The following JARID2 variants were observed in gnomAD, a reference collection of about 807,000 sequenced individuals.
JARID2 encodes jumonji and AT-rich interaction domain containing 2, also known as protein Jumonji.
A neutral mutation model predicts 125.6 loss-of-function variants in JARID2; 21 were observed. That is an observed-to-expected ratio of 0.17 (90% CI 0.12 to 0.24). The LOEUF (loss-of-function observed/expected upper bound fraction) is 0.24, where lower values mean the gene tolerates loss of function less well. Ranked by LOEUF, JARID2 falls within the 10% of genes least tolerant of loss-of-function variation. The pLI, the probability that JARID2 is intolerant of heterozygous loss-of-function variation, is 1.00. For synonymous variants in JARID2, 736 were observed against 661.6 expected, an observed-to-expected ratio of 1.11 and a Z score of -1.73; for missense variants, 1,303 against 1,639.6, an observed-to-expected ratio of 0.79 and a Z score of 3.55.
chr6:15,358,309 T>G (rs929789443), intron 1 of JARID2, among the ~76,000 whole-genome samples: 1 of 152,220 alleles, frequency 6.6e-6, no homozygotes, highest in Non-Finnish European at 1.5e-5. Flanking sequence ...TAATTAGTGA[T>G]TAGTTTCTGG....
intron 16 of JARID2, 85 bp downstream of exon 16, chr6:15,513,507 C>G: frequency 1.5e-6 from 2 of 1,332,408 alleles, no homozygotes; most frequent in Non-Finnish European, 1.0e-6. Context: ...AGGGAGGGCG[C>G]TCTCTGCCCA....
intron 1 of JARID2, among the ~76,000 whole-genome samples, chr6:15,280,517 G>C (rs1359088704): frequency 1.3e-5 from 2 of 151,984 alleles, no homozygotes; most frequent in African/African-American, 4.8e-5. Context: ...ATTGTTGGTA[G>C]TAATCTTAAA....
intron 3 of JARID2, among the ~76,000 whole-genome samples, chr6:15,435,315 C>G (rs1243288131): frequency 2.6e-5 from 4 of 152,190 alleles, no homozygotes; most frequent in Non-Finnish European, 5.9e-5. Context: ...AAACTAAATT[C>G]AGGGCTTGAG....
At chr6:15,260,233 A>G (rs1282914066) in intron 1 of JARID2, among the ~76,000 whole-genome samples, 2 of 152,064 alleles carry the variant, frequency 1.3e-5, no homozygotes, top group African/African-American at 4.8e-5. Context: ...GAGGGTCTGG[A>G]TTTAATAGTG....
intron 1 of JARID2, chr6:15,369,321 AT>A: frequency 2.1e-6 from 1 of 474,012 alleles, no homozygotes; most frequent in South Asian, 1.5e-5. Context: ...TGTAAAAAAA[AT>A]TATGACCATA....
chr6:15,485,527 TTACA>T (rs10611488), intron 5 of JARID2, among the ~76,000 whole-genome samples: 4,906 of 152,294 alleles, frequency 0.032, 263 homozygotes, highest in African/African-American at 0.11. Flanking sequence ...GTTGCTTATC[TTACA>T]TATTCTTAGC....
chr6:15,286,347 G>A (rs890951914), intron 1 of JARID2, among the ~76,000 whole-genome samples: 3 of 151,168 alleles, frequency 2.0e-5, no homozygotes, highest in Non-Finnish European at 2.9e-5. Flanking sequence ...CTGCTTCCCG[G>A]ATTCAAATGA....
chr6:15,510,782 T>TC (rs1461315074), intron 12 of JARID2, among the ~76,000 whole-genome samples: 1 of 152,086 alleles, frequency 6.6e-6, no homozygotes, highest in African/African-American at 2.4e-5. Flanking sequence ...TGAGCCTGGC[T>TC]CCTTCCCCAA....
intron 3 of JARID2, among the ~76,000 whole-genome samples, chr6:15,413,002 G>GTGTTT (rs1765952689): frequency 8.6e-5 from 4 of 46,532 alleles, no homozygotes; most frequent in Admixed American, 5.5e-4. Flanking sequence ...AAGAGCTTGT[G>GTGTTT]TTTTTGTTTT....
Position 15,321,319 on chromosome 6 carries a change from G to A in JARID2, c.46-52798G>A, listed in dbSNP as rs1581409519. Among the ~76,000 whole-genome samples, 3 of 152,208 alleles carry A rather than the reference G, an allele frequency of 2.0e-5. No homozygotes were observed. The South Asian group carries it at 6.2e-4, about 32-fold the overall frequency. On this transcript the variant is annotated intron_variant, in intron 1 of 17. Transcript: ENST00000341776. The stretch of plus-strand genomic sequence containing the variant: ...ATGAAATTATTAATAGTTGTGAGTT[G>A]TCCACTCTGTAACTAAGGCTAACTA...
intron 3 of JARID2, among the ~76,000 whole-genome samples, chr6:15,410,716 GAA>G (rs1056855305): frequency 2.0e-5 from 3 of 152,120 alleles, no homozygotes; most frequent in African/African-American, 7.2e-5. Flanking sequence ...TGCCATTTCT[GAA>G]AAGAGATCTT....
chr6:15,342,582 T>C (rs1763104862), intron 1 of JARID2, among the ~76,000 whole-genome samples: 1 of 152,226 alleles, frequency 6.6e-6, no homozygotes, highest in African/African-American at 2.4e-5. Context: ...TGCACCTTCA[T>C]AATTAACTCC....
intron 1 of JARID2, among the ~76,000 whole-genome samples, chr6:15,333,952 C>T (rs6935879): frequency 0.064 from 9,746 of 152,120 alleles, 456 homozygotes; most frequent in African/African-American, 0.12. Context: ...GTGCTTCCCC[C>T]GCCCCGAGAC....
At chr6:15,273,465 G>C (rs185153727) in intron 1 of JARID2, among the ~76,000 whole-genome samples, 29 of 152,344 alleles carry the variant, frequency 1.9e-4, no homozygotes, top group Non-Finnish European at 3.8e-4. Flanking sequence ...ACTTTGGGAG[G>C]CCAAGGTGGG....
At chr6:15,378,042 A>C (rs967692367) in intron 2 of JARID2, among the ~76,000 whole-genome samples, 1 of 150,480 alleles carries the variant, frequency 6.6e-6, no homozygotes, top group African/African-American at 2.5e-5. Flanking sequence ...GCGCCACCAC[A>C]CCCAGCTAAT....
At chr6:15,381,425 A>G (rs1011200281) in intron 2 of JARID2, among the ~76,000 whole-genome samples, 4 of 151,628 alleles carry the variant, frequency 2.6e-5, no homozygotes, top group Non-Finnish European at 5.9e-5. Context: ...CTCCTCTGCA[A>G]GCTGTAGGGA....
intron 1 of JARID2, among the ~76,000 whole-genome samples, chr6:15,351,295 A>C (rs1245733347): frequency 1.3e-5 from 2 of 152,184 alleles, no homozygotes; most frequent in Non-Finnish European, 2.9e-5. Flanking sequence ...CTGAAAGGTG[A>C]ATATGAGTGA....
At chr6:15,451,291 G>C (rs1176806070) in intron 3 of JARID2, among the ~76,000 whole-genome samples, 1 of 152,220 alleles carries the variant, frequency 6.6e-6, no homozygotes. Flanking sequence ...AGTTAGCATA[G>C]GATTGTAATG....
chr6:15,300,712 TGTGTGTGTGTGAGA>T (rs1205330990), intron 1 of JARID2, among the ~76,000 whole-genome samples: 7 of 139,922 alleles, frequency 5.0e-5, no homozygotes, highest in Admixed American at 7.0e-5. Context: ...TGTGTGTGTG[TGTGTGTGTGTGAGA>T]GAGAGAGAGA....
Sources: gnomAD v4.1 joint callset for allele counts (sites outside exome capture counted in the v4.1 genomes callset) on GRCh38, gnomAD v4.1.1 for gene constraint, MANE v1.5 for transcripts, NCBI Gene and HGNC (gene_info 2026-07-23, HGNC 2026-07-21) for gene names.